Variants in SHC4 observed in about 807,000 individuals in gnomAD.
SHC4 encodes the protein SHC-transforming protein 4.
In SHC4, 41 loss-of-function variants were observed where a neutral mutation model predicts 69.4. The observed-to-expected ratio is 0.59, with a 90% confidence interval of 0.46 to 0.77. The LOEUF is 0.77. Among genes scored for constraint, SHC4 ranks in the 30% least tolerant of loss-of-function variants. SHC4 has a pLI of 0.00. For missense variants in SHC4, 777 were observed against 783.8 expected (o/e 0.99, Z 0.10); for synonymous variants, 318 against 299.3 (o/e 1.06, Z -0.64).
intron 1 of SHC4, among the ~76,000 whole-genome samples, chr15:48,931,357 G>A (rs1394045880): frequency 1.3e-5 from 2 of 152,014 alleles, no homozygotes; most frequent in Non-Finnish European, 2.9e-5. Flanking sequence ...TTTAGCCCAG[G>A]TTTTCTCCCA....
At chr15:48,925,026 T>C (rs2141024805) in intron 1 of SHC4, 77 bp from the exon 2 acceptor site, 1 of 1,468,516 alleles carries the variant, frequency 6.8e-7, no homozygotes, top group East Asian at 2.3e-5. Flanking sequence ...GGCAACTTCC[T>C]GGGAAGCACC....
Position 48,878,360 on chromosome 15 carries a change from G to A in SHC4, c.840+5888C>T, listed in dbSNP as rs766365825. 8.5e-5 allele frequency: 137 copies of A among 1,613,298 alleles called. 1 individual carries two copies. The highest frequency in any genetic ancestry group is 2.5e-4 in the South Asian group (23 of 91,062). ...GGAGGAAGGCCCAATGGAGGAGGAGGAGGCCCAGCCAATGGCGGCGCCAGA... is the reference window on the plus strand; with the variant it reads ...GGAGGAAGGCCCAATGGAGGAGGAGAAGGCCCAGCCAATGGCGGCGCCAGA... On this transcript the variant is annotated intron_variant, in intron 4 of 11. Transcript: ENST00000332408.
intron 2 of SHC4, 99 bp downstream of exon 2, chr15:48,924,780 G>T: frequency 2.4e-6 from 3 of 1,257,352 alleles, no homozygotes; most frequent in Non-Finnish European, 3.5e-6. Flanking sequence ...GAATAAAAGT[G>T]CATAATGAAT....
chr15:48,855,385 A>C (rs772157662), intron 8 of SHC4, among the ~76,000 whole-genome samples: 2 of 152,206 alleles, frequency 1.3e-5, no homozygotes, highest in African/African-American at 4.8e-5. Context: ...CAGAGTTCAG[A>C]TCTTCCAGTA....
intron 11 of SHC4, among the ~76,000 whole-genome samples, chr15:48,831,059 A>G (rs1898790733): frequency 6.6e-6 from 1 of 152,178 alleles, no homozygotes; most frequent in African/African-American, 2.4e-5. Flanking sequence ...AAAGTAAAAA[A>G]TAGAAATAAA....
intron 2 of SHC4, among the ~76,000 whole-genome samples, chr15:48,907,832 G>GTATATATATATA (rs1900434866): frequency 1.3e-5 from 2 of 150,052 alleles, no homozygotes; most frequent in African/African-American, 5.0e-5. Flanking sequence ...GTGTGTGTGT[G>GTATATATATATA]TGTGTGTGTA....
At chr15:48,838,157 A>G (rs771172435) in intron 10 of SHC4, among the ~76,000 whole-genome samples, 1 of 152,236 alleles carries the variant, frequency 6.6e-6, no homozygotes, top group African/African-American at 2.4e-5. Flanking sequence ...ATACAGACAC[A>G]TTTCTAAAAG....
At chr15:48,909,744 G>T (rs1389539535) in intron 2 of SHC4, among the ~76,000 whole-genome samples, 1 of 152,054 alleles carries the variant, frequency 6.6e-6, no homozygotes, top group Admixed American at 6.6e-5. Flanking sequence ...TGCCAATTTT[G>T]CTGAGAGTTT....
At chr15:48,917,514 T>C (rs1484570025) in intron 2 of SHC4, among the ~76,000 whole-genome samples, 2 of 152,162 alleles carry the variant, frequency 1.3e-5, no homozygotes, top group Non-Finnish European at 2.9e-5. Context: ...CCTAATGATC[T>C]TGTTTCTCTT....
intron 9 of SHC4, among the ~76,000 whole-genome samples, chr15:48,846,528 T>C (rs976595522): frequency 6.6e-6 from 1 of 152,154 alleles, no homozygotes; most frequent in Non-Finnish European, 1.5e-5. Context: ...TGAAACCATC[T>C]TTTTCAGGAA....
At chr15:48,914,335 G>A (rs1900576472) in intron 2 of SHC4, among the ~76,000 whole-genome samples, 1 of 152,242 alleles carries the variant, frequency 6.6e-6, no homozygotes, top group South Asian at 2.1e-4. Flanking sequence ...CTGCAAAACA[G>A]CTGTGTGGTC....
chr15:48,828,511 T>C (rs62009416), intron 11 of SHC4, among the ~76,000 whole-genome samples: 18,306 of 152,220 alleles, frequency 0.12, 1,478 homozygotes, highest in East Asian at 0.3. Context: ...TTTTGGATAA[T>C]TACCCAGAAG....
chr15:48,868,779 A>G (rs1165372427), intron 5 of SHC4, among the ~76,000 whole-genome samples: 1 of 152,252 alleles, frequency 6.6e-6, no homozygotes, highest in Non-Finnish European at 1.5e-5. Context: ...CAGGGTCAGC[A>G]TAACTCGTCT....
At chr15:48,874,022 T>C (rs1179132039) in intron 4 of SHC4, among the ~76,000 whole-genome samples, 1 of 152,162 alleles carries the variant, frequency 6.6e-6, no homozygotes, top group East Asian at 1.9e-4. Flanking sequence ...AGAATAAATG[T>C]GCAAGAACAG....
At chr15:48,923,607 C>A (rs2141023944) in intron 2 of SHC4, among the ~76,000 whole-genome samples, 2 of 138,604 alleles carry the variant, frequency 1.4e-5, no homozygotes, top group South Asian at 2.3e-4. Context: ...AGAGTTTTTT[C>A]AACTATAGCA....
In SHC4 at chr15:48,962,492, C is replaced by T. The variant is rs199533304; in HGVS notation, c.524G>A (p.Ser175Asn). 1.3e-6 allele frequency: 2 copies of T among 1,557,142 alleles called. No individual in the cohort carries two copies. Among genetic ancestry groups the T allele is most frequent in the African/African-American group, 1.4e-5 (1 of 73,286 alleles). Reference sequence around the variant, plus strand: ...CTGTAGAAAGTGCCTGTCCTGCCTGCTCCTAAGTGTTGGCTCCCCAGGGCC... The same window carrying T: ...CTGTAGAAAGTGCCTGTCCTGCCTGTTCCTAAGTGTTGGCTCCCCAGGGCC... ...LPGPGEPTLR[S>N]RQDRHFLQHL... The change falls in exon 1 of 12, where the codon AGC becomes AAC. Residue 175 changes from serine (S) to asparagine (N), a missense_variant. Ser to Asn is a conservative substitution (Grantham distance 46). Transcript: ENST00000332408.
chr15:48,855,192 T>G (rs1356580804), intron 8 of SHC4, among the ~76,000 whole-genome samples: 1 of 150,206 alleles, frequency 6.7e-6, no homozygotes, highest in Non-Finnish European at 1.5e-5. Context: ...AAATAAAAGG[T>G]GGAAAGAAAA....
intron 2 of SHC4, among the ~76,000 whole-genome samples, chr15:48,905,081 T>G (rs1483916588): frequency 6.6e-6 from 1 of 152,190 alleles, no homozygotes; most frequent in African/African-American, 2.4e-5. Context: ...TCAAATCCTA[T>G]GTTTTAGATT....
intron 6 of SHC4, among the ~76,000 whole-genome samples, chr15:48,866,244 C>T (rs929065176): frequency 6.6e-6 from 1 of 152,144 alleles, no homozygotes; most frequent in African/African-American, 2.4e-5. Context: ...CCTGTTCCTA[C>T]ATTCCCACTG....
Sources: gnomAD v4.1 joint callset for allele counts (sites outside exome capture counted in the v4.1 genomes callset) on GRCh38, gnomAD v4.1.1 for gene constraint, MANE v1.5 for transcripts, NCBI Gene and HGNC (gene_info 2026-07-23, HGNC 2026-07-21) for gene names.